Variants in SYNM observed in about 807,000 individuals in gnomAD.
SYNM encodes desmuslin.
Under a neutral mutation model 104.0 loss-of-function variants are expected in SYNM, and 95 were observed. The observed-to-expected ratio is 0.91, with a 90% CI of 0.77 to 1.08. The LOEUF (loss-of-function observed/expected upper bound fraction) is 1.08. Ranked by LOEUF, SYNM falls within the 50% of genes least tolerant of loss-of-function variation. The pLI is 0.00. For synonymous variants in SYNM, 918 were observed against 869.0 expected, an observed-to-expected ratio of 1.06 and a Z score of -0.99; for missense variants, 2,150 against 2,052.2, an observed-to-expected ratio of 1.05 and a Z score of -0.92.
At chr15:99,108,136 G>A (rs1209930197) in intron 1 of SYNM, among the ~76,000 whole-genome samples, 1 of 151,896 alleles carries the variant, frequency 6.6e-6, no homozygotes, top group Non-Finnish European at 1.5e-5. Flanking sequence ...CACCCCGCCT[G>A]GCTAATTTTT....
At position 99,132,339 on chromosome 15, in the gene SYNM, C is replaced by G; in HGVS notation, c.3979C>G (p.His1327Asp). 1 of 1,613,672 alleles carries G rather than the reference C, an allele frequency of 6.2e-7. No homozygotes were observed. Residue 1327 changes from histidine (H) to aspartate (D), a missense_variant, in exon 4 of 4, where the codon CAT becomes GAT. Transcript: ENST00000336292. Reference protein sequence around the residue: ...RHQTTQQIVYHGLVPQLGESG... With the variant: ...RHQTTQQIVYDGLVPQLGESG... ...TCAGACCACCCAGCAGATAGTTTAC[C>G]ATGGGCTGGTTCCCCAACTGGGGGA... is the stretch of plus-strand genomic sequence containing the variant.
In SYNM at chr15:99,117,372, T is replaced by C. The variant is rs576435181; in HGVS notation, c.935+3657T>C. Among the ~76,000 whole-genome samples the C allele has an allele frequency of 6.6e-5, 10 of 152,242 alleles. No homozygotes were observed. In the South Asian group the frequency reaches 2.1e-3, roughly 32 times the overall value. On this transcript the variant is annotated intron_variant, in intron 2 of 3. Coordinates refer to ENST00000336292, the MANE Select transcript of SYNM (RefSeq NM_145728.3). ...CTGAGCCCATCACTGGCCAGAGGAATGTAGGGCTCTAGAGCTTTGGGTTGG... is the reference window on the plus strand; with the variant it reads ...CTGAGCCCATCACTGGCCAGAGGAACGTAGGGCTCTAGAGCTTTGGGTTGG...
chr15:99,120,158 C>T (rs574701185), intron 2 of SYNM, among the ~76,000 whole-genome samples: 7 of 152,190 alleles, frequency 4.6e-5, no homozygotes, highest in Non-Finnish European at 8.8e-5. Flanking sequence ...TAACTTCAGG[C>T]CTTCACCCAA....
intron 2 of SYNM, among the ~76,000 whole-genome samples, chr15:99,115,467 C>CTTTTTTTTT (rs1239411620): frequency 1.0e-5 from 1 of 99,118 alleles, no homozygotes. Flanking sequence ...TTATTTTATT[C>CTTTTTTTTT]TATTTTTTTT....
At position 99,130,631 on chromosome 15, in the gene SYNM, C is replaced by T. The variant is rs368374457; in HGVS notation, c.2271C>T (p.Ser757=). ...TGGAGGAGCCCGTGAGTTATGTCAGCGGGGAGAAGCCGGAGGAGTTTTCCG... is the reference window on the plus strand; with the variant it reads ...TGGAGGAGCCCGTGAGTTATGTCAGTGGGGAGAAGCCGGAGGAGTTTTCCG... ...EIVEEPVSYV[S]GEKPEEFSVP... Residue 757 remains serine, a synonymous_variant, in exon 4 of 4, where the codon AGC becomes AGT. Transcript: ENST00000336292. 58 of 1,613,202 alleles carry T rather than the reference C, an allele frequency of 3.6e-5. No homozygotes were observed. The highest frequency in any genetic ancestry group is 2.2e-4 in the Admixed American group (13 of 59,876).
At chr15:99,112,423 C>T (rs2067306950) in intron 1 of SYNM, among the ~76,000 whole-genome samples, 1 of 152,168 alleles carries the variant, frequency 6.6e-6, no homozygotes, top group South Asian at 2.1e-4. Context: ...GCAGCTGAAG[C>T]CCATATGTTT....
intron 1 of SYNM, 143 bp downstream of exon 1, chr15:99,106,152 G>C (rs531538490): frequency 3.3e-6 from 3 of 909,200 alleles, no homozygotes; most frequent in Non-Finnish European, 4.5e-6. Flanking sequence ...GTGCCCGAAT[G>C]GCATGGGGAC....
In SYNM at chr15:99,129,824, G is replaced by A; in HGVS notation, c.1464G>A (p.Arg488=). Residue 488 remains arginine (R), a synonymous_variant, in exon 4 of 4, where the codon CGG becomes CGA. Coordinates refer to ENST00000336292, the MANE Select transcript of SYNM (RefSeq NM_145728.3). ...CAGCAGGTGCTTCGGAAAGCACACG[G>A]TCAAATGAGAGGACCGTCATTCTGG... ...KVAAGASEST[R]SNERTVILGK... 1 of 1,613,670 alleles carries A rather than the reference G, an allele frequency of 6.2e-7. No homozygotes were observed.
downstream of SYNM, chr15:99,139,396 GAC>G (rs782413832): frequency 3.7e-6 from 6 of 1,614,068 alleles, no homozygotes; most frequent in Non-Finnish European, 5.1e-6. Context: ...TGGATCTGGA[GAC>G]ACTGTAGAAC....
At chr15:99,140,030 G>C (rs2068046306), downstream of SYNM, 2 of 238,566 alleles carry the variant, frequency 8.4e-6, no homozygotes, top group African/African-American at 4.5e-5. Context: ...GAAAGAATGA[G>C]GTGGAGAGGT....
Position 99,129,737 on chromosome 15 carries a change from T to A in SYNM, c.1377T>A (p.Val459=). 1 of 1,613,486 alleles carries A rather than the reference T, an allele frequency of 6.2e-7. No individual in the cohort carries two copies. The highest frequency in any genetic ancestry group is 8.5e-7 in the Non-Finnish European group (1 of 1,179,852). The part of the protein sequence containing the change: ...PKAGDTREVP[V]YIGEDSTIAR... ...CCGGAGATACAAGGGAGGTCCCCGT[T>A]TACATAGGTGAAGATTCCACAATTG... The change falls in exon 4 of 4, where the codon GTT becomes GTA. Residue 459 remains valine (V), a synonymous_variant. Coordinates refer to ENST00000336292, the MANE Select transcript of SYNM (RefSeq NM_145728.3).
chr15:99,132,514 C>G lies in SYNM; in HGVS notation c.4154C>G (p.Ala1385Gly). The G allele has an allele frequency of 6.2e-7, 1 of 1,614,004 alleles. No homozygotes were observed. Among genetic ancestry groups the G allele is most frequent in the Non-Finnish European group, 8.5e-7 (1 of 1,179,900 alleles). The change falls in exon 4 of 4, where the codon GCA becomes GGA. Residue 1385 changes from alanine (A) to glycine (G), a missense_variant. Physicochemically the swap from Ala to Gly is moderately conservative, Grantham distance 60. Coordinates refer to ENST00000336292, the MANE Select transcript of SYNM (RefSeq NM_145728.3). ...VVSESPQEDS[A>G]EDTSGAEMTS... ...TCTGAATCTCCCCAGGAGGATAGTGCAGAGGACACATCAGGGGCAGAAATG... is the reference window on the plus strand; with the variant it reads ...TCTGAATCTCCCCAGGAGGATAGTGGAGAGGACACATCAGGGGCAGAAATG...
chr15:99,112,009 A>G (rs543424611), intron 1 of SYNM, among the ~76,000 whole-genome samples: 1 of 152,386 alleles, frequency 6.6e-6, no homozygotes, highest in African/African-American at 2.4e-5. Flanking sequence ...AGATTGTGCC[A>G]TTGCACTCCA....
At chr15:99,123,754 C>T (rs907426282) in intron 2 of SYNM, among the ~76,000 whole-genome samples, 2 of 152,280 alleles carry the variant, frequency 1.3e-5, no homozygotes, top group Non-Finnish European at 2.9e-5. Flanking sequence ...AGCAGGCTCC[C>T]GCACAGACAC....
chr15:99,106,873 G>T (rs1323791873), intron 1 of SYNM, among the ~76,000 whole-genome samples: 1 of 152,240 alleles, frequency 6.6e-6, no homozygotes, highest in Non-Finnish European at 1.5e-5. Context: ...AGGACAGATG[G>T]AAATAACATC....
Position 99,130,800 on chromosome 15 carries a change from C to A in SYNM, c.2440C>A (p.His814Asn), listed in dbSNP as rs781949272. ...RTKQPQENTT[H>N]VEEVTEAGDS... ...CAAGCAGCCTCAGGAGAACACGACT[C>A]ACGTGGAAGAAGTGACAGAGGCAGG... The change falls in exon 4 of 4, where the codon CAC (histidine) becomes AAC (asparagine). Residue 814 changes from histidine to asparagine, a missense_variant. His to Asn is a moderately conservative substitution (Grantham distance 68, BLOSUM62 1). Coordinates refer to ENST00000336292, the MANE Select transcript of SYNM (RefSeq NM_145728.3). 1.2e-6 allele frequency: 2 copies of A among 1,613,836 alleles called. No homozygotes were observed.
At chr15:99,127,646 A>G (rs1005458891) in intron 3 of SYNM, among the ~76,000 whole-genome samples, 1 of 152,198 alleles carries the variant, frequency 6.6e-6, no homozygotes, top group African/African-American at 2.4e-5. Context: ...CTTAGACAAC[A>G]TGCAGCAAAT....
At position 99,130,298 on chromosome 15, in the gene SYNM, C is replaced by T. The variant is rs2067487879; in HGVS notation, c.1938C>T (p.Ile646=). The T allele has an allele frequency of 1.2e-6, 2 of 1,613,914 alleles. No homozygotes were observed. The highest frequency in any genetic ancestry group is 2.2e-5 in the East Asian group (1 of 44,884). The part of the protein sequence containing the change: ...ETVAENIVTS[I]LKQFTQSPET... The stretch of plus-strand genomic sequence containing the variant: ...TAGCAGAAAACATCGTTACCAGTAT[C>T]CTGAAGCAGTTCACTCAGTCTCCAG... The change falls in exon 4 of 4, where the codon ATC becomes ATT. Residue 646 remains isoleucine (I), a synonymous_variant. Transcript: ENST00000336292.
In SYNM at chr15:99,133,038, AATG is replaced by A; in HGVS notation, c.4682_4684del (p.Asp1561del). The A allele has an allele frequency of 6.2e-7, 1 of 1,613,716 alleles. No homozygotes were observed. The highest frequency in any genetic ancestry group is 8.5e-7 in the Non-Finnish European group (1 of 1,179,884). ...CTATCTAGACAATGAGGAGGAGGAG[AATG>A]ATGGGCATTGGTTTTAATAAGCAGA... On this transcript the variant is annotated inframe_deletion, in exon 4 of 4. Coordinates refer to ENST00000336292, the MANE Select transcript of SYNM (RefSeq NM_145728.3).
Sources: allele counts gnomAD v4.1 joint callset (sites outside exome capture counted in the v4.1 genomes callset), GRCh38; gene constraint gnomAD v4.1.1; transcripts MANE v1.5; gene names NCBI Gene and HGNC (gene_info 2026-07-23, HGNC 2026-07-21).